Variants in ZNF446 observed in about 807,000 individuals in gnomAD.
The protein encoded by ZNF446 is zinc finger protein 446.
Under a neutral mutation model 34.0 loss-of-function variants are expected in ZNF446, and 42 were observed. That is an observed-to-expected ratio of 1.23 (90% CI 0.96 to 1.60). ZNF446 has a LOEUF of 1.60. Ranked by LOEUF, ZNF446 falls within the 40% of genes most tolerant of loss-of-function variation. The probability of loss-of-function intolerance (pLI) is 0.00; values close to 1 mark genes in which losing one functional copy is unlikely to be tolerated. For synonymous variants in ZNF446, 315 were observed against 251.0 expected, an observed-to-expected ratio of 1.25 and a Z score of -2.41; for missense variants, 650 against 600.2, an observed-to-expected ratio of 1.08 and a Z score of -0.87.
In ZNF446 at chr19:58,480,725, G is replaced by A. The variant is rs1233295052; in HGVS notation, c.1352G>A (p.Ter451=). 1.2e-6 allele frequency: 2 copies of A among 1,601,826 alleles called. No homozygotes were observed. The highest frequency in any genetic ancestry group is 2.2e-5 in the East Asian group (1 of 44,822). ...AAGGGCCACCGGCCGGAGGTTCCATGAGCAGCCAGACAGCACAGTCCCTCG... is the reference window on the plus strand; with the variant it reads ...AAGGGCCACCGGCCGGAGGTTCCATAAGCAGCCAGACAGCACAGTCCCTCG... ...HRKGHRPEVP[*] is the part of the protein sequence containing the mutation. Residue 451 remains the stop codon, a stop_retained_variant, in exon 7 of 7, where the codon TGA becomes TAA. Coordinates refer to ENST00000594369, the MANE Select transcript of ZNF446 (RefSeq NM_017908.4). The surrounding 1 kb of genome is among the most constrained non-coding windows in gnomAD (Gnocchi z 7.2).
In ZNF446 at chr19:58,477,996, G is replaced by A. The variant is rs868419441; in HGVS notation, c.533-91G>A. On this transcript the variant is annotated intron_variant, in intron 3 of 6. Coordinates refer to ENST00000594369, the MANE Select transcript of ZNF446 (RefSeq NM_017908.4). Reference sequence around the variant, plus strand: ...GAGGCAGGAGCCAAGGGCTGGCTACGTGCCATGTCACACAGCAGAGGAGCT... The same window carrying A: ...GAGGCAGGAGCCAAGGGCTGGCTACATGCCATGTCACACAGCAGAGGAGCT... The A allele has an allele frequency of 3.5e-5, 48 of 1,381,426 alleles. No individual in the cohort carries two copies. In the Middle Eastern group the frequency reaches 6.9e-4, roughly 20 times the overall value. The allele number at this position is 1,381,426 out of a possible 1,614,324, so 85.6% of individuals were successfully genotyped here.
the ZNF446 span, among the ~76,000 whole-genome samples, chr19:58,488,618 G>A: frequency 6.6e-6 from 1 of 151,022 alleles, no homozygotes. Context: ...TTGGGAGGCC[G>A]AGGCAGGTGG....
chr19:58,486,642 A>G, the ZNF446 span, among the ~76,000 whole-genome samples: 62 of 146,572 alleles, frequency 4.2e-4, no homozygotes, highest in Middle Eastern at 7.8e-3. Flanking sequence ...TCCTGACCTC[A>G]GGTGATCCGC....
chr19:58,486,952 G>A, the ZNF446 span, among the ~76,000 whole-genome samples: 21 of 151,426 alleles, frequency 1.4e-4, no homozygotes, highest in South Asian at 6.2e-4. Flanking sequence ...ACAGGTGCCC[G>A]CCACCACACC....
Position 58,480,632 on chromosome 19 carries a change from A to G in ZNF446, c.1259A>G (p.Gln420Arg). The G allele has an allele frequency of 6.2e-7, 1 of 1,612,182 alleles. No homozygotes were observed. Residue 420 changes from glutamine to arginine, a missense_variant, in exon 7 of 7, where the codon CAG becomes CGG. Physicochemically the swap from Gln to Arg is conservative, Grantham distance 43. Coordinates refer to ENST00000594369, the MANE Select transcript of ZNF446 (RefSeq NM_017908.4). The surrounding 1 kb of genome is among the most constrained non-coding windows in gnomAD (Gnocchi z 7.2). ...ATCCACCGCAAGAGCCACACAGGCC[A>G]GCGGCGTCACTTCTGCAGTGACTGT... ...LVIHRKSHTG[Q>R]RRHFCSDCGR...
chr19:58,485,507 C>T (rs113110066), downstream of ZNF446, among the ~76,000 whole-genome samples: 12 of 152,146 alleles, frequency 7.9e-5, no homozygotes, highest in African/African-American at 2.9e-4. Context: ...GAGACTCCAT[C>T]TCAAAAAAAT....
the ZNF446 span, among the ~76,000 whole-genome samples, chr19:58,488,143 C>T: frequency 1.7e-4 from 26 of 151,518 alleles, no homozygotes; most frequent in Middle Eastern, 3.4e-3. Flanking sequence ...GTTCATGGCA[C>T]TGTGAGGGCA....
chr19:58,485,306 C>T (rs1945433092), downstream of ZNF446, among the ~76,000 whole-genome samples: 1 of 151,308 alleles, frequency 6.6e-6, no homozygotes, highest in African/African-American at 2.4e-5. Flanking sequence ...TCAAGACTAG[C>T]CTGGCCAACA....
At position 58,477,368 on chromosome 19, in the gene ZNF446, G is replaced by A. The variant is rs753267445; in HGVS notation, c.150G>A (p.Leu50=). Reference sequence around the variant, plus strand: ...AAGCCCTGGCCCGGCTGCGTGAGCTGTGTTGCCAGTGGCTGCAGCCTGAGG... The same window carrying A: ...AAGCCCTGGCCCGGCTGCGTGAGCTATGTTGCCAGTGGCTGCAGCCTGAGG... ...PREALARLRE[L]CCQWLQPEAH... is the part of the protein sequence containing the mutation. Residue 50 remains leucine (L), a synonymous_variant, in exon 2 of 7, where the codon CTG becomes CTA. Coordinates refer to ENST00000594369, the MANE Select transcript of ZNF446 (RefSeq NM_017908.4). 6.2e-7 allele frequency: 1 copy of A among 1,613,436 alleles called. No homozygotes were observed. Among genetic ancestry groups the A allele is most frequent in the African/African-American group, 1.3e-5 (1 of 74,938 alleles).
chr19:58,483,271 C>T (rs560840641), downstream of ZNF446, among the ~76,000 whole-genome samples: 23 of 152,046 alleles, frequency 1.5e-4, no homozygotes, highest in African/African-American at 4.6e-4. Flanking sequence ...GGCAGGTGGA[C>T]CACTTGGAGT....
chr19:58,481,423 C>T (rs771728191), downstream of ZNF446, among the ~76,000 whole-genome samples: 2 of 152,198 alleles, frequency 1.3e-5, no homozygotes, highest in Non-Finnish European at 2.9e-5. Flanking sequence ...ACCAGCCTCA[C>T]TGGCCTTGGA....
downstream of ZNF446, among the ~76,000 whole-genome samples, chr19:58,485,846 C>T (rs1448517539): frequency 6.6e-6 from 1 of 152,070 alleles, no homozygotes; most frequent in Non-Finnish European, 1.5e-5. Context: ...TCTCAAATTG[C>T]TGGGATTACA....
chr19:58,483,825 G>A (rs1459563742), downstream of ZNF446: 1 of 152,184 alleles, frequency 6.6e-6, no homozygotes, highest in Non-Finnish European at 1.5e-5. Flanking sequence ...TTTAGTGTAT[G>A]TACTATAGAA....
intron 3 of ZNF446, 38 bp from the exon 4 acceptor site, chr19:58,478,049 G>A: frequency 1.3e-6 from 2 of 1,577,116 alleles, no homozygotes; most frequent in Non-Finnish European, 1.7e-6. Context: ...CATGTGGGCA[G>A]CCCCTGACAC....
In ZNF446 at chr19:58,480,448, G is replaced by A; in HGVS notation, c.1075G>A (p.Gly359Ser). ...CCACCGGACACACACGAGTGGGCCA[G>A]GTGTGCAGTCCCCGGGGCTAGCCAC... is the stretch of plus-strand genomic sequence containing the variant. ...IHHRTHTSGP[G>S]VQSPGLATGE... Residue 359 changes from glycine to serine, a missense_variant, in exon 7 of 7, where the codon GGT becomes AGT. By Grantham distance (56) the Gly-to-Ser change is moderately conservative. Coordinates refer to ENST00000594369, the MANE Select transcript of ZNF446 (RefSeq NM_017908.4). This position sits in a 1 kb window ranked among gnomAD's most constrained non-coding sequence, Gnocchi z 7.2. 1 of 1,612,930 alleles carries A rather than the reference G, an allele frequency of 6.2e-7. No individual in the cohort carries two copies. Among genetic ancestry groups the A allele is most frequent in the Non-Finnish European group, 8.5e-7 (1 of 1,179,950 alleles).
At chr19:58,488,551 A>AT in the ZNF446 span, among the ~76,000 whole-genome samples, 16,666 of 116,142 alleles carry the variant, frequency 0.14, 1,732 homozygotes, top group Non-Finnish European at 0.17. Context: ...CATGACTATG[A>AT]TAAAAAAAAA....
chr19:58,483,123 A>G (rs535570571), downstream of ZNF446, among the ~76,000 whole-genome samples: 1 of 152,134 alleles, frequency 6.6e-6, no homozygotes, highest in East Asian at 1.9e-4. Flanking sequence ...ATGTTGTTTC[A>G]CTTTGGGAGA....
rs766365284 is a variant in ZNF446, at chr19:58,480,345, G to T, written c.972G>T (p.Pro324=). 5 of 1,598,086 alleles carry T rather than the reference G, an allele frequency of 3.1e-6. No homozygotes were observed. The highest frequency in any genetic ancestry group is 3.5e-5 in the Admixed American group (2 of 56,690). Residue 324 remains proline (P), a synonymous_variant, in exon 7 of 7, where the codon CCG becomes CCT. Coordinates refer to ENST00000594369, the MANE Select transcript of ZNF446 (RefSeq NM_017908.4). This position sits in a 1 kb window ranked among gnomAD's most constrained non-coding sequence, Gnocchi z 7.2. ...QPTPAETRLE[P]AATPRKPYTC... ...CACCTGCAGAGACGAGACTGGAGCC[G>T]GCTGCCACCCCCAGGAAGCCCTACA...
intron 4 of ZNF446, among the ~76,000 whole-genome samples, chr19:58,479,313 T>G (rs1223730123): frequency 6.6e-6 from 1 of 152,150 alleles, no homozygotes; most frequent in Non-Finnish European, 1.5e-5. Flanking sequence ...AAGCCCCAGA[T>G]GATGGGACTC....
Sources: gnomAD v4.1 joint callset for allele counts (sites outside exome capture counted in the v4.1 genomes callset) on GRCh38, gnomAD v4.1.1 for gene constraint, Gnocchi (gnomAD v3.1) non-coding constraint, MANE v1.5 for transcripts, NCBI Gene and HGNC (gene_info 2026-07-23, HGNC 2026-07-21) for gene names.